The following SYK variants were observed in gnomAD, a reference collection of about 807,000 sequenced individuals.
SYK encodes spleen associated tyrosine kinase, also known as tyrosine-protein kinase SYK.
In SYK, 16 loss-of-function variants were observed where a neutral mutation model predicts 77.8. The ratio of observed to expected loss-of-function variants is 0.21; its 90% CI spans 0.14 to 0.31. SYK has a LOEUF of 0.31. Among genes scored for constraint, SYK ranks in the 10% least tolerant of loss-of-function variants. The probability of loss-of-function intolerance (pLI) is 1.00; values close to 1 mark genes in which losing one functional copy is unlikely to be tolerated. For missense variants in SYK, 529 were observed against 814.4 expected (o/e 0.65, Z 4.26); for synonymous variants, 312 against 308.7 (o/e 1.01, Z -0.11).
At chr9:90,883,385 C>T (rs1587911284) in intron 11 of SYK, among the ~76,000 whole-genome samples, 1 of 152,106 alleles carries the variant, frequency 6.6e-6, no homozygotes. Flanking sequence ...GCTGCCACTG[C>T]CCCGCCACAT....
intron 7 of SYK, 65 bp downstream of exon 7, chr9:90,867,264 C>T (rs766403901): frequency 3.7e-5 from 56 of 1,517,408 alleles, no homozygotes; most frequent in Admixed American, 1.8e-4. Context: ...TCAGCTCCCG[C>T]CCGCCCAGTC....
At chr9:90,846,800 C>G (rs1230165682) in intron 3 of SYK, among the ~76,000 whole-genome samples, 1 of 151,816 alleles carries the variant, frequency 6.6e-6, no homozygotes, top group Non-Finnish European at 1.5e-5. Flanking sequence ...CAGCCAGCAG[C>G]AGAATGCTGT....
chr9:90,844,418 C>G, intron 2 of SYK, 103 bp downstream of exon 2: 1 of 1,273,728 alleles, frequency 7.9e-7, no homozygotes, highest in South Asian at 1.6e-5. Flanking sequence ...CCTGTGTGCC[C>G]AAATAACACA....
chr9:90,875,246 A>T lies in SYK; in HGVS notation c.1181+397A>T, dbSNP rs202142464. ...AGACCCTGTCTCTACAAAAAAAATA[A>T]ATAAATAAATAAATAAATAAAACAT... On this transcript the variant is annotated intron_variant, in intron 9 of 13. Transcript: ENST00000375754. Among the ~76,000 whole-genome samples the T allele has an allele frequency of 9.2e-5, 14 of 151,672 alleles. No individual in the cohort carries two copies. In the East Asian group the frequency reaches 2.5e-3, roughly 27 times the overall value.
At chr9:90,812,682 G>C (rs1349535887) in intron 1 of SYK, among the ~76,000 whole-genome samples, 2 of 152,076 alleles carry the variant, frequency 1.3e-5, no homozygotes, top group Admixed American at 6.5e-5. Context: ...AATGGCAGCT[G>C]TGTGTGCCTT....
At chr9:90,830,854 G>T (rs1363322363) in intron 1 of SYK, among the ~76,000 whole-genome samples, 4 of 152,040 alleles carry the variant, frequency 2.6e-5, no homozygotes, top group African/African-American at 7.2e-5. Flanking sequence ...CAAAGTGCTG[G>T]GATTACAAGC....
At chr9:90,891,533 T>C (rs1265122466) in intron 13 of SYK, among the ~76,000 whole-genome samples, 1 of 152,142 alleles carries the variant, frequency 6.6e-6, no homozygotes, top group Non-Finnish European at 1.5e-5. Context: ...TATGTGAGCT[T>C]TTAGCTTGCT....
chr9:90,892,530 TC>T lies in SYK; in HGVS notation c.1836-2993del, dbSNP rs576883330. On this transcript the variant is annotated intron_variant, in intron 13 of 13. Transcript: ENST00000375754. ...TTGGGATGGCCCATGCTTCACTCCT[TC>T]CCCCTCTCACTTTCCAAAGAGGAAA... 8.0e-3 allele frequency among the ~76,000 whole-genome samples: 1,223 copies of T among 152,230 alleles called. 4 individuals are homozygous for T. The highest frequency in any genetic ancestry group is 0.01 in the Non-Finnish European group (690 of 68,002).
intron 3 of SYK, among the ~76,000 whole-genome samples, chr9:90,848,593 T>C (rs1350313689): frequency 2.6e-5 from 4 of 152,246 alleles, no homozygotes; most frequent in Non-Finnish European, 5.9e-5. Context: ...ACTGTTCTTC[T>C]CGGGCCTTCA....
At chr9:90,894,096 G>A (rs1828893766) in intron 13 of SYK, among the ~76,000 whole-genome samples, 1 of 152,208 alleles carries the variant, frequency 6.6e-6, no homozygotes. Context: ...CTTGGCTGCT[G>A]GGCAGATGAA....
chr9:90,828,376 A>T (rs939511574), intron 1 of SYK, among the ~76,000 whole-genome samples: 3 of 152,102 alleles, frequency 2.0e-5, no homozygotes, highest in Non-Finnish European at 2.9e-5. Flanking sequence ...TAAAAGCAAT[A>T]TAGTAAGATC....
chr9:90,865,290 T>C (rs976282122), intron 6 of SYK, among the ~76,000 whole-genome samples, 193 bp downstream of exon 6: 1 of 152,122 alleles, frequency 6.6e-6, no homozygotes, highest in African/African-American at 2.4e-5. Flanking sequence ...TAACCACATT[T>C]TCTTTTCTTT....
intron 7 of SYK, 96 bp downstream of exon 7, chr9:90,867,295 C>A (rs1228402462): frequency 1.3e-5 from 16 of 1,265,102 alleles, no homozygotes; most frequent in Non-Finnish European, 1.8e-5. Flanking sequence ...GTGCGCTGCC[C>A]CCCATCTCTT....
intron 7 of SYK, 92 bp from the exon 8 acceptor site, chr9:90,874,112 T>G: frequency 9.7e-7 from 1 of 1,027,972 alleles, no homozygotes; most frequent in Non-Finnish European, 1.5e-6. Context: ...AAAGTTAAAC[T>G]GTGATTATTG....
chr9:90,863,973 T>C (rs544175283), intron 4 of SYK, among the ~76,000 whole-genome samples: 7 of 152,362 alleles, frequency 4.6e-5, no homozygotes, highest in Admixed American at 2.0e-4. Context: ...CATTCATCCC[T>C]AATTAAATAT....
chr9:90,862,405 C>A (rs1827309244), intron 4 of SYK, 61 bp downstream of exon 4: 4 of 1,557,440 alleles, frequency 2.6e-6, no homozygotes, highest in Non-Finnish European at 3.5e-6. Context: ...GCTCCTTGTC[C>A]CATGGACTCT....
intron 3 of SYK, among the ~76,000 whole-genome samples, chr9:90,847,016 C>T (rs1826624852): frequency 6.6e-6 from 1 of 152,260 alleles, no homozygotes; most frequent in Non-Finnish European, 1.5e-5. Flanking sequence ...TGCTCATAGC[C>T]TCTTTGGCCA....
intron 6 of SYK, 36 bp downstream of exon 6, chr9:90,865,133 T>G: frequency 1.3e-6 from 2 of 1,595,776 alleles, no homozygotes; most frequent in Non-Finnish European, 1.7e-6. Flanking sequence ...AATGAGAAGC[T>G]GTTGCATATT....
intron 1 of SYK, among the ~76,000 whole-genome samples, chr9:90,814,009 G>A (rs1750329460): frequency 6.6e-6 from 1 of 152,186 alleles, no homozygotes; most frequent in Non-Finnish European, 1.5e-5. Context: ...TGTCCAGTTA[G>A]AGACCATGGC....
Sources: gnomAD v4.1 joint callset for allele counts (sites outside exome capture counted in the v4.1 genomes callset) on GRCh38, gnomAD v4.1.1 for gene constraint, MANE v1.5 for transcripts, NCBI Gene and HGNC (gene_info 2026-07-23, HGNC 2026-07-21) for gene names.